Variants in FARS2 observed in about 807,000 individuals in gnomAD.
The protein encoded by FARS2 is phenylalanyl-tRNA synthetase 2, mitochondrial, also known as phenylalanine--tRNA ligase, mitochondrial.
FARS2 carries 40 observed loss-of-function variants against 46.4 expected under a neutral mutation model. The ratio of observed to expected loss-of-function variants is 0.86; its 90% CI spans 0.67 to 1.12. FARS2 has a LOEUF of 1.12. FARS2 is among the 50% of genes most tolerant of loss of function. The probability of loss-of-function intolerance (pLI) is 0.00; values close to 1 mark genes in which losing one functional copy is unlikely to be tolerated. For missense variants in FARS2, 513 were observed against 567.9 expected, an observed-to-expected ratio of 0.90 and a Z score of 0.98; for synonymous variants, 234 against 214.9, an observed-to-expected ratio of 1.09 and a Z score of -0.78.
intron 6 of FARS2, among the ~76,000 whole-genome samples, chr6:5,623,903 G>A (rs1775904732): frequency 6.6e-6 from 1 of 152,092 alleles, no homozygotes. Flanking sequence ...CCAAATAAGT[G>A]CAGTTATCTG....
At chr6:5,328,675 G>A (rs1314514338) in intron 1 of FARS2, among the ~76,000 whole-genome samples, 9 of 151,932 alleles carry the variant, frequency 5.9e-5, no homozygotes, top group Non-Finnish European at 1.3e-4. Flanking sequence ...TGGTATCTCG[G>A]TGACTCCTAC....
intron 1 of FARS2, among the ~76,000 whole-genome samples, chr6:5,350,437 G>A (rs1235927117): frequency 6.6e-6 from 1 of 152,124 alleles, no homozygotes; most frequent in Admixed American, 6.5e-5. Context: ...ATCTGCTATA[G>A]CGATAGTAAC....
At chr6:5,586,862 A>G (rs1773639106) in intron 5 of FARS2, among the ~76,000 whole-genome samples, 1 of 152,132 alleles carries the variant, frequency 6.6e-6, no homozygotes, top group South Asian at 2.1e-4. Flanking sequence ...GGTGTACTAA[A>G]GTCCTTGTAA....
intron 6 of FARS2, among the ~76,000 whole-genome samples, chr6:5,619,115 T>G (rs182176312): frequency 1.3e-5 from 2 of 152,330 alleles, no homozygotes; most frequent in African/African-American, 4.8e-5. Flanking sequence ...ACTTAGCCAT[T>G]GCCTTTAGCT....
intron 6 of FARS2, among the ~76,000 whole-genome samples, chr6:5,659,386 A>T (rs1777745185): frequency 6.6e-6 from 1 of 152,218 alleles, no homozygotes; most frequent in Admixed American, 6.5e-5. Context: ...CACTCTGCAC[A>T]AGGACAAATA....
intron 6 of FARS2, among the ~76,000 whole-genome samples, chr6:5,704,630 C>T (rs1353782408): frequency 3.3e-5 from 5 of 151,878 alleles, no homozygotes; most frequent in Non-Finnish European, 5.9e-5. Flanking sequence ...CATTGACGTC[C>T]AAAAAAAGTG....
At chr6:5,597,974 G>A (rs186616566) in intron 5 of FARS2, among the ~76,000 whole-genome samples, 246 of 152,020 alleles carry the variant, frequency 1.6e-3, no homozygotes, top group Admixed American at 3.1e-3. Flanking sequence ...CCATGAAGCC[G>A]CCACCGGACC....
chr6:5,730,578 A>G (rs1042812884), intron 6 of FARS2, among the ~76,000 whole-genome samples: 2 of 152,162 alleles, frequency 1.3e-5, no homozygotes, highest in African/African-American at 4.8e-5. Flanking sequence ...GATGTGTCAC[A>G]AGGCAGTAAT....
intron 6 of FARS2, among the ~76,000 whole-genome samples, chr6:5,709,753 C>T (rs983893340): frequency 6.7e-6 from 1 of 150,274 alleles, no homozygotes. Flanking sequence ...TGTGCGCGCG[C>T]GCGTGTGTGT....
At chr6:5,701,506 A>G (rs1758434775) in intron 6 of FARS2, among the ~76,000 whole-genome samples, 1 of 152,210 alleles carries the variant, frequency 6.6e-6, no homozygotes, top group Non-Finnish European at 1.5e-5. Context: ...GGACTCACAC[A>G]CAACAGTGAC....
intron 3 of FARS2, among the ~76,000 whole-genome samples, chr6:5,422,817 A>G (rs565423727): frequency 5.1e-4 from 78 of 152,272 alleles, no homozygotes; most frequent in African/African-American, 1.6e-3. Context: ...AAAAAGTGAG[A>G]TGTTTCAGAT....
rs904421511 is a variant in FARS2 at position 5,491,921 on chromosome 6, TTC to T, written c.905-53258_905-53257del. 3.3e-4 allele frequency among the ~76,000 whole-genome samples: 51 copies of T among 152,284 alleles called. 2 individuals are homozygous for T. The highest frequency in any genetic ancestry group is 1.2e-3 in the African/African-American group (51 of 41,532). ...GTGCTATTGTAAAGATTTTTTTTTTTTCCTGGTATGTACATTCTTTTTGAGGT... is the reference window on the plus strand; with the variant it reads ...GTGCTATTGTAAAGATTTTTTTTTTTCTGGTATGTACATTCTTTTTGAGGT... On this transcript the variant is annotated intron_variant, in intron 4 of 6. Coordinates refer to ENST00000274680, the MANE Select transcript of FARS2 (RefSeq NM_006567.5).
chr6:5,697,650 T>G (rs1195700111), intron 6 of FARS2, among the ~76,000 whole-genome samples: 1 of 152,176 alleles, frequency 6.6e-6, no homozygotes, highest in Non-Finnish European at 1.5e-5. Flanking sequence ...AAAGGCAAAA[T>G]CATGAGATAT....
At chr6:5,659,010 C>T (rs9504482) in intron 6 of FARS2, among the ~76,000 whole-genome samples, 252 of 152,306 alleles carry the variant, frequency 1.7e-3, no homozygotes, top group African/African-American at 5.6e-3. Flanking sequence ...TATTGGGAGA[C>T]TTTGATGCCC....
chr6:5,407,170 A>G (rs1761663519), intron 3 of FARS2, among the ~76,000 whole-genome samples: 2 of 151,152 alleles, frequency 1.3e-5, no homozygotes, highest in Non-Finnish European at 2.9e-5. Flanking sequence ...TTTAAATCTA[A>G]CATTTTAAAT....
At chr6:5,257,575 A>G (rs1043006711), upstream of FARS2, among the ~76,000 whole-genome samples, 4 of 152,320 alleles carry the variant, frequency 2.6e-5, no homozygotes, top group Admixed American at 2.0e-4. Context: ...GAACCGGGCC[A>G]CACAGCAGTT....
chr6:5,267,477 G>A (rs1317808209), intron 1 of FARS2, among the ~76,000 whole-genome samples: 4 of 152,028 alleles, frequency 2.6e-5, no homozygotes, highest in Admixed American at 2.6e-4. Context: ...CAGGCCAGGC[G>A]TGGTGGCTCA....
At chr6:5,546,961 A>AT (rs1439884329) in intron 5 of FARS2, among the ~76,000 whole-genome samples, 1 of 147,372 alleles carries the variant, frequency 6.8e-6, no homozygotes, top group African/African-American at 2.6e-5. Context: ...TATTTTATTT[A>AT]TTTATTTTGA....
chr6:5,325,030 A>G (rs983943477), intron 1 of FARS2, among the ~76,000 whole-genome samples: 2 of 152,110 alleles, frequency 1.3e-5, no homozygotes, highest in Admixed American at 6.5e-5. Context: ...GAGAAATTTC[A>G]CCATTTATCA....
Sources: allele counts gnomAD v4.1 joint callset (sites outside exome capture counted in the v4.1 genomes callset), GRCh38; gene constraint gnomAD v4.1.1; transcripts MANE v1.5; gene names NCBI Gene and HGNC (gene_info 2026-07-23, HGNC 2026-07-21).